Variants in SYN3 observed in about 807,000 individuals in gnomAD.
The protein encoded by SYN3 is synapsin-3.
SYN3 carries 35 observed loss-of-function variants against 65.8 expected under a neutral mutation model. The observed-to-expected ratio is 0.53, with a 90% CI of 0.41 to 0.70. The LOEUF is 0.70. SYN3 is among the 30% of genes least tolerant of loss of function. The probability of loss-of-function intolerance (pLI) is 0.00; values close to 1 mark genes in which losing one functional copy is unlikely to be tolerated. For synonymous variants in SYN3, 270 were observed against 292.9 expected, an observed-to-expected ratio of 0.92 and a Z score of 0.80; for missense variants, 680 against 749.0, an observed-to-expected ratio of 0.91 and a Z score of 1.08.
chr22:32,647,739 G>C (rs2060004450), intron 6 of SYN3, among the ~76,000 whole-genome samples: 1 of 152,168 alleles, frequency 6.6e-6, no homozygotes, highest in South Asian at 2.1e-4. Context: ...CTCCGGAGTA[G>C]CTGGGATTAC....
At chr22:32,903,056 C>T (rs763571291) in intron 4 of SYN3, among the ~76,000 whole-genome samples, 2 of 152,054 alleles carry the variant, frequency 1.3e-5, no homozygotes, top group African/African-American at 2.4e-5. Context: ...TTTTCGAGTA[C>T]AGAGAAATGA....
chr22:32,569,223 ATTCT>A (rs535211362), intron 7 of SYN3, among the ~76,000 whole-genome samples: 101 of 132,710 alleles, frequency 7.6e-4, no homozygotes, highest in Admixed American at 1.6e-3. Context: ...TATCTACCTA[ATTCT>A]TTCTTTCTAT....
At chr22:32,726,162 G>C (rs1046427927) in intron 6 of SYN3, among the ~76,000 whole-genome samples, 11 of 124,132 alleles carry the variant, frequency 8.9e-5, no homozygotes, top group African/African-American at 3.6e-4. Context: ...TTTTTTTTTT[G>C]AGATGAAGTC....
At chr22:32,846,937 G>C (rs775340661) in intron 6 of SYN3, among the ~76,000 whole-genome samples, 2 of 152,212 alleles carry the variant, frequency 1.3e-5, no homozygotes, top group Non-Finnish European at 2.9e-5. Flanking sequence ...GAAGGAGTTG[G>C]CTGGTTGTAT....
intron 6 of SYN3, among the ~76,000 whole-genome samples, chr22:32,653,504 C>T (rs544352615): frequency 2.0e-5 from 3 of 152,310 alleles, no homozygotes; most frequent in Non-Finnish European, 4.4e-5. Context: ...GCTAGGGCTT[C>T]ATTTCCAGCC....
At position 32,712,538 on chromosome 22, in the gene SYN3, T is replaced by A. The variant is rs529377924; in HGVS notation, c.712-115802A>T. On this transcript the variant is annotated intron_variant, in intron 6 of 13. Coordinates refer to ENST00000358763, the MANE Select transcript of SYN3 (RefSeq NM_003490.4). ...GCAGCAAAAGTGGCTTGGCCTCTTG[T>A]CATAATCAGCCCGAGCGGGGATAGC... Among the ~76,000 whole-genome samples, 76 of 152,110 alleles carry A rather than the reference T, an allele frequency of 5.0e-4. 1 individual carries two copies. The South Asian group carries it at 8.1e-3, about 16-fold the overall frequency.
intron 6 of SYN3, among the ~76,000 whole-genome samples, chr22:32,782,214 G>C (rs906979262): frequency 6.6e-6 from 1 of 152,080 alleles, no homozygotes; most frequent in African/African-American, 2.4e-5. Flanking sequence ...GATTACAGGC[G>C]GGTGCCACCA....
intron 4 of SYN3, among the ~76,000 whole-genome samples, chr22:32,876,275 A>T (rs1384136419): frequency 1.3e-5 from 2 of 152,084 alleles, no homozygotes; most frequent in Non-Finnish European, 2.9e-5. Context: ...AGGGCTGATG[A>T]CTTCATGACT....
At chr22:32,516,346 G>GATTGATTT (rs779603620) in intron 13 of SYN3, among the ~76,000 whole-genome samples, 57 of 149,954 alleles carry the variant, frequency 3.8e-4, no homozygotes, top group African/African-American at 1.4e-3. Context: ...ATACATCTTT[G>GATTGATTT]ATTTATTTAT....
chr22:32,518,347 A>T lies in SYN3; in HGVS notation c.1319-13T>A. On this transcript the variant is annotated splice_polypyrimidine_tract_variant and intron_variant, in intron 12 of 13. Coordinates refer to ENST00000358763, the MANE Select transcript of SYN3 (RefSeq NM_003490.4). ...TGGCGAGGGCCTCCTAAGGGGCCAGAAAAAAAAAGGTTCAGTTCAATTTTT... is the reference window on the plus strand; with the variant it reads ...TGGCGAGGGCCTCCTAAGGGGCCAGTAAAAAAAAGGTTCAGTTCAATTTTT... 1 of 1,599,712 alleles carries T rather than the reference A, an allele frequency of 6.3e-7. No homozygotes were observed. The highest frequency in any genetic ancestry group is 8.5e-7 in the Non-Finnish European group (1 of 1,173,076).
intron 6 of SYN3, among the ~76,000 whole-genome samples, chr22:32,774,795 T>C (rs2045868805): frequency 1.3e-5 from 2 of 152,174 alleles, no homozygotes; most frequent in Non-Finnish European, 2.9e-5. Flanking sequence ...GGTTTCTCCA[T>C]GTTGGTCAGG....
chr22:32,704,767 A>G (rs1429360182), intron 6 of SYN3, among the ~76,000 whole-genome samples: 1 of 152,208 alleles, frequency 6.6e-6, no homozygotes, highest in Non-Finnish European at 1.5e-5. Context: ...CTGATGTCAG[A>G]TGGTATCTCA....
At chr22:32,521,930 T>C (rs971820881) in intron 12 of SYN3, among the ~76,000 whole-genome samples, 1 of 152,232 alleles carries the variant, frequency 6.6e-6, no homozygotes, top group African/African-American at 2.4e-5. Flanking sequence ...GTCCCTATCA[T>C]ATACCTGGGA....
At chr22:32,743,684 C>T (rs191512133) in intron 6 of SYN3, among the ~76,000 whole-genome samples, 3 of 152,254 alleles carry the variant, frequency 2.0e-5, no homozygotes, top group Admixed American at 1.3e-4. Flanking sequence ...TGCCTCTCCC[C>T]TTGGACTCTA....
intron 2 of SYN3, among the ~76,000 whole-genome samples, chr22:32,992,756 T>A (rs1422063730): frequency 6.6e-6 from 1 of 152,122 alleles, no homozygotes; most frequent in Non-Finnish European, 1.5e-5. Flanking sequence ...GACGTTGCAG[T>A]GAGGCAACAT....
chr22:33,039,132 G>C (rs2053914658), intron 1 of SYN3, among the ~76,000 whole-genome samples: 2 of 152,124 alleles, frequency 1.3e-5, no homozygotes, highest in Non-Finnish European at 2.9e-5. Context: ...TGGCAATCCT[G>C]GGAGATGGGT....
chr22:32,596,823 A>C, intron 6 of SYN3, 87 bp from the exon 7 acceptor site: 7 of 1,345,444 alleles, frequency 5.2e-6, no homozygotes, highest in Non-Finnish European at 7.3e-6. Context: ...AGAAAGATCC[A>C]TTCATTTCAT....
chr22:32,744,642 T>C (rs1245909505), intron 6 of SYN3, among the ~76,000 whole-genome samples: 1 of 152,306 alleles, frequency 6.6e-6, no homozygotes, highest in South Asian at 2.1e-4. Context: ...TCACCCAACA[T>C]GCTACTGTGA....
At chr22:32,672,779 T>A (rs2060388939) in intron 6 of SYN3, among the ~76,000 whole-genome samples, 1 of 152,144 alleles carries the variant, frequency 6.6e-6, no homozygotes, top group African/African-American at 2.4e-5. Context: ...GGAAACTGGG[T>A]GGGGCCTGGG....
Sources: gnomAD v4.1 joint callset for allele counts (sites outside exome capture counted in the v4.1 genomes callset) on GRCh38, gnomAD v4.1.1 for gene constraint, MANE v1.5 for transcripts, NCBI Gene and HGNC (gene_info 2026-07-23, HGNC 2026-07-21) for gene names.